Variants in ABLIM2 observed in about 807,000 individuals in gnomAD.
The protein encoded by ABLIM2 is actin-binding LIM protein 2.
In ABLIM2, 53 loss-of-function variants were observed where a neutral mutation model predicts 97.7. The observed-to-expected ratio is 0.54, with a 90% CI of 0.44 to 0.68. The LOEUF is 0.68. ABLIM2 is among the 30% of genes least tolerant of loss of function. The pLI, the probability that ABLIM2 is intolerant of heterozygous loss-of-function variation, is 0.00. For synonymous variants in ABLIM2, 361 were observed against 345.8 expected (o/e 1.04, Z -0.49); for missense variants, 835 against 867.2 (o/e 0.96, Z 0.47).
intron 16 of ABLIM2, chr4:8,007,346 C>A: frequency 3.0e-6 from 3 of 985,436 alleles, no homozygotes; most frequent in Non-Finnish European, 3.6e-6. Flanking sequence ...CTCTCACACC[C>A]CCATCCATCC....
At chr4:7,972,038 G>A (rs1281590760) in intron 20 of ABLIM2, among the ~76,000 whole-genome samples, 2 of 152,148 alleles carry the variant, frequency 1.3e-5, no homozygotes, top group South Asian at 4.1e-4. Context: ...TGCTTAAGCC[G>A]GGCCCAGGCC....
At position 8,144,593 on chromosome 4, in the gene ABLIM2, G is replaced by A. The variant is rs147573946; in HGVS notation, c.10+14087C>T. 7.9e-5 allele frequency among the ~76,000 whole-genome samples: 12 copies of A among 152,342 alleles called. No individual in the cohort carries two copies. In the East Asian group the frequency reaches 1.7e-3, roughly 22 times the overall value. ...ATTCAGCTGAGCACAGGGTCTGGAAGGACACAGCCTGAGCTCCAGTGCCAG... is the reference window on the plus strand; with the variant it reads ...ATTCAGCTGAGCACAGGGTCTGGAAAGACACAGCCTGAGCTCCAGTGCCAG... On this transcript the variant is annotated intron_variant, in intron 1 of 20. Transcript: ENST00000447017.
intron 7 of ABLIM2, among the ~76,000 whole-genome samples, chr4:8,057,274 T>C (rs1300457305): frequency 1.3e-5 from 2 of 151,954 alleles, no homozygotes; most frequent in Non-Finnish European, 2.9e-5. Flanking sequence ...TTAGTAGAGA[T>C]GGGGTTTCGC....
chr4:8,125,360 T>A lies in ABLIM2; in HGVS notation c.11-18723A>T, dbSNP rs7660396. 0.031 allele frequency among the ~76,000 whole-genome samples: 4,782 copies of A among 152,312 alleles called. 250 individuals are homozygous for A. Among genetic ancestry groups the A allele is most frequent in the African/African-American group, 0.11 (4,531 of 41,548 alleles). ...ACGGGTTTTTTGGTTTTACTGTAAT[T>A]TTACATGAATAATTTTACACAAATA... On this transcript the variant is annotated intron_variant, in intron 1 of 20. Transcript: ENST00000447017. This position sits in a 1 kb window ranked among gnomAD's most constrained non-coding sequence, Gnocchi z 6.2.
chr4:8,040,892 A>C (rs1240040654), intron 9 of ABLIM2, among the ~76,000 whole-genome samples: 1 of 152,212 alleles, frequency 6.6e-6, no homozygotes, highest in Non-Finnish European at 1.5e-5. Flanking sequence ...TCCATTACTT[A>C]GAGGCTGCAA....
chr4:8,011,782 C>A (rs1039630225), intron 14 of ABLIM2, among the ~76,000 whole-genome samples: 2 of 152,196 alleles, frequency 1.3e-5, no homozygotes, highest in East Asian at 1.9e-4. Flanking sequence ...TTGGGAAAGG[C>A]TGGCTTTCTA....
At chr4:8,013,902 G>C (rs1578659796) in intron 14 of ABLIM2, among the ~76,000 whole-genome samples, 1 of 152,224 alleles carries the variant, frequency 6.6e-6, no homozygotes, top group East Asian at 1.9e-4. Flanking sequence ...CATGGCACAG[G>C]GGCCCCGTGT....
At chr4:8,028,447 T>G (rs1389557338) in intron 11 of ABLIM2, among the ~76,000 whole-genome samples, 1 of 152,176 alleles carries the variant, frequency 6.6e-6, no homozygotes, top group Non-Finnish European at 1.5e-5. Flanking sequence ...ACTCACTTAC[T>G]TGCTCACTCA....
At position 7,966,936 on chromosome 4, in the gene ABLIM2, A is replaced by C. The variant is rs1345198023; in HGVS notation, c.*54T>G. 1 of 1,136,488 alleles carries C rather than the reference A, an allele frequency of 8.8e-7. No individual in the cohort carries two copies. The allele number at this position is 1,136,488 out of a possible 1,614,324, so 70.4% of individuals were successfully genotyped here. A position where few individuals can be genotyped will look rare whatever the true frequency, so the allele number is the denominator to read the frequency against. On this transcript the variant is annotated 3_prime_UTR_variant, in exon 21 of 21. Transcript: ENST00000447017. ...GGGAGGGGTGTGTGCGGTTCTCGCC[A>C]GGGGCCCCTGGCCTCGGCGCCCGGC...
At chr4:8,055,168 C>G (rs1798272769) in intron 7 of ABLIM2, among the ~76,000 whole-genome samples, 1 of 152,108 alleles carries the variant, frequency 6.6e-6, no homozygotes, top group Admixed American at 6.5e-5. Flanking sequence ...TTGTGAGTTG[C>G]TGCATACAAA....
Position 8,032,927 on chromosome 4 carries a change from C to A in ABLIM2, c.1048-3151G>T, listed in dbSNP as rs1028171293. Among the ~76,000 whole-genome samples, 1 of 152,154 alleles carries A rather than the reference C, an allele frequency of 6.6e-6. No individual in the cohort carries two copies. Among genetic ancestry groups the A allele is most frequent in the African/African-American group, 2.4e-5 (1 of 41,416 alleles). On this transcript the variant is annotated intron_variant, in intron 10 of 20. Coordinates refer to ENST00000447017, the MANE Select transcript of ABLIM2 (RefSeq NM_001130083.2). The surrounding 1 kb of genome is among the most constrained non-coding windows in gnomAD (Gnocchi z 4.3). ...GAAACTGATTTCGTGCCAATGAGCCCAGAGCTTGTCTCTACCTGGCCACCC... is the reference window on the plus strand; with the variant it reads ...GAAACTGATTTCGTGCCAATGAGCCAAGAGCTTGTCTCTACCTGGCCACCC...
In ABLIM2 at chr4:8,140,847, C is replaced by A. The variant is rs111548732; in HGVS notation, c.10+17833G>T. Among the ~76,000 whole-genome samples, 40,159 of 151,836 alleles carry A rather than the reference C, an allele frequency of 0.26. 7,051 individuals are homozygous for A. Among genetic ancestry groups the A allele is most frequent in the African/African-American group, 0.5 (20,834 of 41,300 alleles). ...GGGTTCAGGGCAGGGAGGTGGCTGC[C>A]AAGAAGAGCTATGAAGAATTAGAAG... On this transcript the variant is annotated intron_variant, in intron 1 of 20. Transcript: ENST00000447017. This position sits in a 1 kb window ranked among gnomAD's most constrained non-coding sequence, Gnocchi z 5.9.
chr4:8,147,371 G>T lies in ABLIM2; in HGVS notation c.10+11309C>A, dbSNP rs1034892103. 6.6e-6 allele frequency among the ~76,000 whole-genome samples: 1 copy of T among 152,160 alleles called. No individual in the cohort carries two copies. Among genetic ancestry groups the T allele is most frequent in the Non-Finnish European group, 1.5e-5 (1 of 68,032 alleles). ...ATGCACCAAGAGACTACCTGTGCCCGGCTGAGTAATGCCTCCCCCAGAAGA... is the reference window on the plus strand; with the variant it reads ...ATGCACCAAGAGACTACCTGTGCCCTGCTGAGTAATGCCTCCCCCAGAAGA... On this transcript the variant is annotated intron_variant, in intron 1 of 20. Coordinates refer to ENST00000447017, the MANE Select transcript of ABLIM2 (RefSeq NM_001130083.2). The surrounding 1 kb of genome is among the most constrained non-coding windows in gnomAD (Gnocchi z 5.3).
chr4:8,144,397 C>G (rs539603271), intron 1 of ABLIM2, among the ~76,000 whole-genome samples: 1 of 152,224 alleles, frequency 6.6e-6, no homozygotes, highest in Admixed American at 6.5e-5. Context: ...GCCCCAGGGC[C>G]GCCGCTGGGG....
In ABLIM2 at chr4:8,103,634, C is replaced by T. The variant is rs958211360; in HGVS notation, c.154+2860G>A. Among the ~76,000 whole-genome samples, 3 of 152,338 alleles carry T rather than the reference C, an allele frequency of 2.0e-5. No individual in the cohort carries two copies. The South Asian group carries it at 6.2e-4, about 32-fold the overall frequency. ...TGGGTGATGGAGTGTGAGTCCCCAGCCCTGGGTCAGCCTGCCATTGACACT... is the reference window on the plus strand; with the variant it reads ...TGGGTGATGGAGTGTGAGTCCCCAGTCCTGGGTCAGCCTGCCATTGACACT... On this transcript the variant is annotated intron_variant, in intron 2 of 20. Coordinates refer to ENST00000447017, the MANE Select transcript of ABLIM2 (RefSeq NM_001130083.2).
chr4:8,017,300 TA>T (rs200725593), intron 14 of ABLIM2, among the ~76,000 whole-genome samples: 4,727 of 144,368 alleles, frequency 0.033, 119 homozygotes, highest in Non-Finnish European at 0.046. Context: ...TTATTATTAT[TA>T]TTTTTTTTTT....
At chr4:7,976,643 G>A (rs1033346629) in intron 20 of ABLIM2, among the ~76,000 whole-genome samples, 1 of 151,928 alleles carries the variant, frequency 6.6e-6, no homozygotes, top group African/African-American at 2.4e-5. Context: ...TTTCCTACCT[G>A]CCATCCCTCA....
intron 10 of ABLIM2, 26 bp downstream of exon 10, chr4:8,036,123 C>T (rs1553981272): frequency 6.2e-7 from 1 of 1,611,848 alleles, no homozygotes; most frequent in Non-Finnish European, 8.5e-7. Flanking sequence ...CACAGGTGTC[C>T]AGGGCCATGT....
chr4:7,975,436 C>A (rs568995266), intron 20 of ABLIM2, among the ~76,000 whole-genome samples: 1 of 152,188 alleles, frequency 6.6e-6, no homozygotes, highest in Non-Finnish European at 1.5e-5. Context: ...CACACTCCTG[C>A]GTACTTATCC....
Sources: allele counts gnomAD v4.1 joint callset (sites outside exome capture counted in the v4.1 genomes callset), GRCh38; gene constraint gnomAD v4.1.1; non-coding constraint Gnocchi (gnomAD v3.1); transcripts MANE v1.5; gene names NCBI Gene and HGNC (gene_info 2026-07-23, HGNC 2026-07-21).